Variants in PPM1H observed in about 807,000 individuals in gnomAD.
The protein encoded by PPM1H is protein phosphatase, Mg2+/Mn2+ dependent 1H.
PPM1H carries 27 observed loss-of-function variants against 54.9 expected under a neutral mutation model. The observed-to-expected ratio is 0.49, with a 90% CI of 0.36 to 0.68. The LOEUF (loss-of-function observed/expected upper bound fraction) is 0.68. PPM1H is among the 30% of genes least tolerant of loss of function. The probability of loss-of-function intolerance (pLI) is 0.00; values close to 1 mark genes in which losing one functional copy is unlikely to be tolerated. For synonymous variants in PPM1H, 305 were observed against 270.8 expected, an observed-to-expected ratio of 1.13 and a Z score of -1.24; for missense variants, 596 against 667.8, an observed-to-expected ratio of 0.89 and a Z score of 1.19.
chr12:62,846,428 A>AGGCG (rs1868969664), intron 1 of PPM1H, among the ~76,000 whole-genome samples: 1 of 151,460 alleles, frequency 6.6e-6, no homozygotes. Context: ...TGAACCCAGG[A>AGGCG]GGCGGAGGTT....
chr12:62,775,870 G>A (rs1332961311), intron 4 of PPM1H, among the ~76,000 whole-genome samples: 3 of 152,192 alleles, frequency 2.0e-5, no homozygotes, highest in African/African-American at 7.2e-5. Flanking sequence ...TTCTCATGCT[G>A]CTAAAAAGAC....
chr12:62,688,320 C>T (rs2076064973), intron 8 of PPM1H, among the ~76,000 whole-genome samples: 1 of 152,066 alleles, frequency 6.6e-6, no homozygotes, highest in Admixed American at 6.6e-5. Context: ...ACGCTACAGC[C>T]CTGACACAAT....
At position 62,762,109 on chromosome 12, in the gene PPM1H, A is replaced by C. The variant is rs1055615284; in HGVS notation, c.870-24523T>G. 5.3e-5 allele frequency among the ~76,000 whole-genome samples: 8 copies of C among 152,188 alleles called. No individual in the cohort carries two copies. In the East Asian group the frequency reaches 1.3e-3, roughly 26 times the overall value. On this transcript the variant is annotated intron_variant, in intron 4 of 9. Transcript: ENST00000228705. ...GTTTTAGAGAATCTGCCAAGCCCCA[A>C]GTTTGCCTTTGGGTTAACCCCTAAC... is the stretch of plus-strand genomic sequence containing the variant.
intron 4 of PPM1H, among the ~76,000 whole-genome samples, chr12:62,754,038 G>C (rs1384912102): frequency 6.6e-6 from 1 of 152,128 alleles, no homozygotes; most frequent in East Asian, 1.9e-4. Flanking sequence ...TTACAGAAGA[G>C]AATCTTGCTG....
At chr12:62,752,810 A>G (rs1391731638) in intron 4 of PPM1H, among the ~76,000 whole-genome samples, 2 of 152,220 alleles carry the variant, frequency 1.3e-5, no homozygotes, top group African/African-American at 4.8e-5. Context: ...AATTTAAAAA[A>G]ATTATGTGGG....
At chr12:62,718,296 C>T (rs534364530) in intron 6 of PPM1H, among the ~76,000 whole-genome samples, 37 of 152,254 alleles carry the variant, frequency 2.4e-4, no homozygotes, top group East Asian at 3.9e-4. Context: ...TATTCATTTT[C>T]GTTCCATGTT....
At chr12:62,819,558 C>A (rs1230353638) in intron 2 of PPM1H, among the ~76,000 whole-genome samples, 1 of 152,078 alleles carries the variant, frequency 6.6e-6, no homozygotes, top group East Asian at 1.9e-4. Context: ...GAGATGGAGA[C>A]TAGAAAACTT....
intron 1 of PPM1H, among the ~76,000 whole-genome samples, chr12:62,892,924 T>A (rs867550751): frequency 2.6e-5 from 4 of 152,198 alleles, no homozygotes; most frequent in Admixed American, 6.5e-5. Flanking sequence ...ATTCCTCCCA[T>A]CAAGAAACAA....
intron 6 of PPM1H, among the ~76,000 whole-genome samples, chr12:62,697,951 A>AT (rs2076123221): frequency 6.6e-6 from 1 of 152,098 alleles, no homozygotes; most frequent in Admixed American, 6.5e-5. Flanking sequence ...CAACTGAATC[A>AT]TTTTTTTAGA....
intron 9 of PPM1H, chr12:62,659,033 T>C (rs779555974): frequency 1.4e-6 from 1 of 725,504 alleles, no homozygotes; most frequent in Non-Finnish European, 2.5e-6. Flanking sequence ...TGCTGCCCAG[T>C]GGCTTCCGGA....
chr12:62,733,792 A>C (rs1224190899), intron 5 of PPM1H, among the ~76,000 whole-genome samples: 1 of 152,238 alleles, frequency 6.6e-6, no homozygotes, highest in Non-Finnish European at 1.5e-5. Flanking sequence ...CACCTTTTAA[A>C]AATTCAGACA....
At chr12:62,786,260 CCACT>C (rs1234064179) in intron 4 of PPM1H, among the ~76,000 whole-genome samples, 5 of 152,242 alleles carry the variant, frequency 3.3e-5, no homozygotes, top group Admixed American at 2.0e-4. Flanking sequence ...CAGGGGCTGG[CCACT>C]CAGTGTGTTT....
chr12:62,648,220 C>T lies in PPM1H; in HGVS notation c.*269G>A. 1 of 373,654 alleles carries T rather than the reference C, an allele frequency of 2.7e-6. No individual in the cohort carries two copies. Among genetic ancestry groups the T allele is most frequent in the Non-Finnish European group, 5.0e-6 (1 of 200,618 alleles). 23.1% of individuals were successfully genotyped at this position (373,654 alleles called of 1,614,324 possible). A position where few individuals can be genotyped will look rare whatever the true frequency, so the allele number is the denominator to read the frequency against. On this transcript the variant is annotated 3_prime_UTR_variant, in exon 10 of 10. Coordinates refer to ENST00000228705, the MANE Select transcript of PPM1H (RefSeq NM_020700.2). ...CATATATACCCCAAATAGTCAATGG[C>T]CACCTCGGAGGCCTATGAAAGGAAC... is the stretch of plus-strand genomic sequence containing the variant.
chr12:62,695,992 G>T (rs775263145), intron 6 of PPM1H, among the ~76,000 whole-genome samples: 2 of 152,104 alleles, frequency 1.3e-5, no homozygotes, highest in African/African-American at 2.4e-5. Context: ...GCCTGGATCT[G>T]GTGTAGAAGA....
chr12:62,681,164 A>C (rs1364259639), intron 8 of PPM1H, among the ~76,000 whole-genome samples: 1 of 151,824 alleles, frequency 6.6e-6, no homozygotes, highest in Non-Finnish European at 1.5e-5. Flanking sequence ...TTGACCCCAG[A>C]CTCCAGTGTC....
chr12:62,678,218 A>G (rs2075998709), intron 8 of PPM1H, among the ~76,000 whole-genome samples: 1 of 152,264 alleles, frequency 6.6e-6, no homozygotes. Context: ...AAGTGCTAGA[A>G]TTACAGGCAT....
chr12:62,916,181 C>T (rs1048432534), intron 1 of PPM1H, among the ~76,000 whole-genome samples: 24 of 152,168 alleles, frequency 1.6e-4, no homozygotes, highest in African/African-American at 5.8e-4. Context: ...CCTTACACTC[C>T]ATGAGGAGGT....
chr12:62,892,484 T>C (rs1253193566), intron 1 of PPM1H, among the ~76,000 whole-genome samples: 2 of 152,336 alleles, frequency 1.3e-5, no homozygotes, highest in Middle Eastern at 3.4e-3. Flanking sequence ...TTTGCAAAAA[T>C]AGCAACTGAG....
At chr12:62,725,234 G>A (rs935670973) in intron 5 of PPM1H, among the ~76,000 whole-genome samples, 4 of 152,136 alleles carry the variant, frequency 2.6e-5, no homozygotes, top group African/African-American at 9.7e-5. Flanking sequence ...CCAAGCTGCT[G>A]GACACCCATC....
Sources: gnomAD v4.1 joint callset for allele counts (sites outside exome capture counted in the v4.1 genomes callset) on GRCh38, gnomAD v4.1.1 for gene constraint, MANE v1.5 for transcripts, NCBI Gene and HGNC (gene_info 2026-07-23, HGNC 2026-07-21) for gene names.